TMC1: variants seen among roughly 807,000 people sequenced by gnomAD.
TMC1 encodes the protein transmembrane channel-like protein 1.
TMC1 carries 84 observed loss-of-function variants against 105.8 expected under a neutral mutation model. The observed-to-expected ratio is 0.79, with a 90% confidence interval of 0.67 to 0.95. TMC1 has a LOEUF of 0.95. Among genes scored for constraint, TMC1 ranks in the 40% least tolerant of loss-of-function variants. The pLI is 0.00. For missense variants in TMC1, 817 were observed against 914.1 expected, an observed-to-expected ratio of 0.89 and a Z score of 1.37; for synonymous variants, 315 against 311.5, an observed-to-expected ratio of 1.01 and a Z score of -0.12.
rs148079030 is a variant in TMC1, at chr9:72,701,166, A to AG, written c.362+524dup. 3.2e-3 allele frequency among the ~76,000 whole-genome samples: 490 copies of AG among 152,284 alleles called. 6 individuals are homozygous for AG. Among genetic ancestry groups the AG allele is most frequent in the East Asian group, 0.03 (157 of 5,182 alleles). Reference sequence around the variant, plus strand: ...GTCTCAAATGAACTTTTCATGTGACAGCTTACATTAAAGCACAGAGAAGAT... The same window carrying AG: ...GTCTCAAATGAACTTTTCATGTGACAGGCTTACATTAAAGCACAGAGAAGAT... On this transcript the variant is annotated intron_variant, in intron 8 of 23. Coordinates refer to ENST00000297784, the MANE Select transcript of TMC1 (RefSeq NM_138691.3).
At chr9:72,707,042 T>C (rs1826754007) in intron 8 of TMC1, among the ~76,000 whole-genome samples, 1 of 152,252 alleles carries the variant, frequency 6.6e-6, no homozygotes, top group Admixed American at 6.5e-5. Context: ...CCCAAAGTGC[T>C]GGGATTACAG....
chr9:72,833,155 T>G (rs1450631294), intron 23 of TMC1, among the ~76,000 whole-genome samples: 1 of 152,214 alleles, frequency 6.6e-6, no homozygotes, highest in Non-Finnish European at 1.5e-5. Flanking sequence ...GTAGTTATAT[T>G]ATTATTTTGG....
At chr9:72,551,530 T>G (rs546363491) in intron 1 of TMC1, among the ~76,000 whole-genome samples, 15 of 152,252 alleles carry the variant, frequency 9.9e-5, no homozygotes, top group Non-Finnish European at 2.1e-4. Flanking sequence ...TGTGGGGGAT[T>G]CAGGCTCCTC....
chr9:72,833,961 G>A (rs1297004772), intron 23 of TMC1, among the ~76,000 whole-genome samples: 1 of 150,568 alleles, frequency 6.6e-6, no homozygotes, highest in Admixed American at 6.6e-5. Flanking sequence ...CTCATCAATG[G>A]ACTTTTGCTC....
At chr9:72,690,013 A>C (rs1466146430) in intron 6 of TMC1, among the ~76,000 whole-genome samples, 3 of 151,918 alleles carry the variant, frequency 2.0e-5, no homozygotes, top group East Asian at 3.9e-4. Flanking sequence ...TCTGTCTTAA[A>C]GCTCTTTTGT....
chr9:72,752,150 G>A (rs557483327), intron 11 of TMC1, among the ~76,000 whole-genome samples, 194 bp downstream of exon 11: 1 of 152,248 alleles, frequency 6.6e-6, no homozygotes, highest in Admixed American at 6.5e-5. Flanking sequence ...GGGGGTGTAA[G>A]CCTCTTGAAA....
chr9:72,822,317 A>G (rs1457346978), intron 20 of TMC1, among the ~76,000 whole-genome samples: 1 of 152,236 alleles, frequency 6.6e-6, no homozygotes, highest in African/African-American at 2.4e-5. Flanking sequence ...TTATGTTGTC[A>G]GACCCAAGTT....
chr9:72,739,853 A>G (rs1007551040), intron 8 of TMC1, among the ~76,000 whole-genome samples: 1 of 152,218 alleles, frequency 6.6e-6, no homozygotes, highest in African/African-American at 2.4e-5. Flanking sequence ...AGTGTTCTCT[A>G]TTTTGACATT....
In TMC1 at chr9:72,746,289, G is replaced by A. The variant is rs181247229; in HGVS notation, c.535+3764G>A. 8.5e-5 allele frequency among the ~76,000 whole-genome samples: 13 copies of A among 152,206 alleles called. No individual in the cohort carries two copies. The East Asian group carries it at 1.5e-3, about 18-fold the overall frequency. On this transcript the variant is annotated intron_variant, in intron 10 of 23. Coordinates refer to ENST00000297784, the MANE Select transcript of TMC1 (RefSeq NM_138691.3). ...AAGCCTGACATTATTGATTAACTGA[G>A]CAAATAGTGGATGCCTAACATGTTT...
chr9:72,827,423 T>C (rs918616532), intron 21 of TMC1, among the ~76,000 whole-genome samples: 1 of 152,192 alleles, frequency 6.6e-6, no homozygotes, highest in Non-Finnish European at 1.5e-5. Flanking sequence ...GGGGGCCCTA[T>C]AGACTATATT....
At chr9:72,729,575 A>G (rs1218516798) in intron 8 of TMC1, among the ~76,000 whole-genome samples, 4 of 152,158 alleles carry the variant, frequency 2.6e-5, no homozygotes, top group Non-Finnish European at 4.4e-5. Flanking sequence ...TATATATAAT[A>G]TAGTAGCTTT....
rs574247714 is a variant in TMC1 at position 72,837,328 on chromosome 9, G to A, written c.*1355G>A. On this transcript the variant is annotated 3_prime_UTR_variant, in exon 24 of 24. Coordinates refer to ENST00000297784, the MANE Select transcript of TMC1 (RefSeq NM_138691.3). Reference sequence around the variant, plus strand: ...TCTATTGGGAGACTGTCTTTCCCTAGCACTGGTTGCCACTAATTATTATTT... The same window carrying A: ...TCTATTGGGAGACTGTCTTTCCCTAACACTGGTTGCCACTAATTATTATTT... 1 of 152,264 alleles carries A rather than the reference G, an allele frequency of 6.6e-6. No individual in the cohort carries two copies. Among genetic ancestry groups the A allele is most frequent in the East Asian group, 1.9e-4 (1 of 5,170 alleles). 9.4% of individuals were successfully genotyped at this position (152,264 alleles called of 1,614,324 possible).
intron 13 of TMC1, among the ~76,000 whole-genome samples, chr9:72,780,318 A>G (rs1283216920): frequency 6.6e-6 from 1 of 152,240 alleles, no homozygotes; most frequent in African/African-American, 2.4e-5. Context: ...ACATAAGTAC[A>G]TAGACCACTG....
intron 7 of TMC1, among the ~76,000 whole-genome samples, chr9:72,696,185 C>T (rs1453159898): frequency 6.6e-6 from 1 of 152,106 alleles, no homozygotes; most frequent in African/African-American, 2.4e-5. Flanking sequence ...CTGCTGATGG[C>T]CCTCATGGCA....
chr9:72,723,941 G>A (rs1444822), intron 8 of TMC1, among the ~76,000 whole-genome samples: 5 of 152,078 alleles, frequency 3.3e-5, no homozygotes, highest in Admixed American at 1.3e-4. Flanking sequence ...AAGTTGTGGA[G>A]GCATTTATTA....
At chr9:72,799,903 G>A (rs1035097312) in intron 17 of TMC1, among the ~76,000 whole-genome samples, 1 of 152,124 alleles carries the variant, frequency 6.6e-6, no homozygotes, top group African/African-American at 2.4e-5. Flanking sequence ...TTTATAAGCA[G>A]GAGATAAAGG....
intron 1 of TMC1, among the ~76,000 whole-genome samples, chr9:72,532,833 G>A (rs1003307770): frequency 6.6e-6 from 1 of 152,170 alleles, no homozygotes; most frequent in Non-Finnish European, 1.5e-5. Flanking sequence ...TTGCTGATGA[G>A]ACTAAATTTT....
At chr9:72,646,760 A>C (rs1825718986) in intron 4 of TMC1, among the ~76,000 whole-genome samples, 1 of 151,864 alleles carries the variant, frequency 6.6e-6, no homozygotes, top group Non-Finnish European at 1.5e-5. Context: ...GTATCTGTTC[A>C]AATCTTTTAC....
At chr9:72,806,046 A>G (rs1421237117) in intron 18 of TMC1, among the ~76,000 whole-genome samples, 1 of 151,906 alleles carries the variant, frequency 6.6e-6, no homozygotes, top group Non-Finnish European at 1.5e-5. Context: ...GCCCATTCTC[A>G]ATGAGCTGTT....
Sources: gnomAD v4.1 joint callset for allele counts (sites outside exome capture counted in the v4.1 genomes callset) on GRCh38, gnomAD v4.1.1 for gene constraint, MANE v1.5 for transcripts, NCBI Gene and HGNC (gene_info 2026-07-23, HGNC 2026-07-21) for gene names.